OSBPL8: variants seen among roughly 807,000 people sequenced by gnomAD.
OSBPL8 encodes the protein oxysterol-binding protein-related protein 8.
A neutral mutation model predicts 125.5 loss-of-function variants in OSBPL8; 59 were observed. The ratio of observed to expected loss-of-function variants is 0.47; its 90% CI spans 0.38 to 0.58. OSBPL8 has a LOEUF of 0.58. Ranked by LOEUF, OSBPL8 falls within the 20% of genes least tolerant of loss-of-function variation. The probability of loss-of-function intolerance (pLI) is 0.00; values close to 1 mark genes in which losing one functional copy is unlikely to be tolerated. For synonymous variants in OSBPL8, 330 were observed against 338.9 expected (o/e 0.97, Z 0.29); for missense variants, 758 against 1,047.8 (o/e 0.72, Z 3.82).
At chr12:76,356,796 T>C (rs1019429846) in intron 22 of OSBPL8, 68 bp from the exon 23 acceptor site, 9 of 1,101,324 alleles carry the variant, frequency 8.2e-6, no homozygotes, top group South Asian at 4.4e-5. Flanking sequence ...ATGTGTCTCA[T>C]GTAATAAAAA....
intron 2 of OSBPL8, among the ~76,000 whole-genome samples, chr12:76,478,323 AG>A (rs1331234565): frequency 2.0e-5 from 3 of 152,098 alleles, no homozygotes; most frequent in Non-Finnish European, 4.4e-5. Flanking sequence ...AATAATATAA[AG>A]TACCATGGTA....
chr12:76,410,858 A>G (rs543602223), intron 4 of OSBPL8, among the ~76,000 whole-genome samples: 76 of 152,324 alleles, frequency 5.0e-4, no homozygotes, highest in Middle Eastern at 3.4e-3. Context: ...ATCGTGAAAT[A>G]TCTCTTCTTT....
intron 4 of OSBPL8, among the ~76,000 whole-genome samples, chr12:76,441,772 A>C (rs1265776040): frequency 6.6e-6 from 1 of 152,058 alleles, no homozygotes; most frequent in African/African-American, 2.4e-5. Context: ...AAGGATGGTT[A>C]CTGGAGGCTG....
chr12:76,538,248 A>G (rs1359209432), intron 1 of OSBPL8, among the ~76,000 whole-genome samples: 1 of 152,204 alleles, frequency 6.6e-6, no homozygotes, highest in Non-Finnish European at 1.5e-5. Context: ...GATGTGTTAT[A>G]TTGCTCAGAA....
At chr12:76,394,620 C>G in intron 9 of OSBPL8, 25 bp downstream of exon 9, 1 of 1,574,400 alleles carries the variant, frequency 6.4e-7, no homozygotes, top group Non-Finnish European at 8.7e-7. Flanking sequence ...AGACCAAAAT[C>G]CAATCCATCA....
Position 76,369,253 on chromosome 12 carries a change from A to G in OSBPL8, c.2289T>C (p.Asp763=), listed in dbSNP as rs1229528390. 1.9e-6 allele frequency: 3 copies of G among 1,612,546 alleles called. No homozygotes were observed. Among genetic ancestry groups the G allele is most frequent in the East Asian group, 2.2e-5 (1 of 44,772 alleles). Reference sequence around the variant, plus strand: ...GTTTCACTTTGGTCTGAATAACACCATCTTTTTCAAACTGTATCATATCAT... The same window carrying G: ...GTTTCACTTTGGTCTGAATAACACCGTCTTTTTCAAACTGTATCATATCAT... The part of the protein sequence containing the change: ...PLNDMIQFEK[D]GVIQTKVKHR... The change falls in exon 21 of 24, where the codon GAT becomes GAC. Residue 763 remains aspartate, a synonymous_variant. Coordinates refer to ENST00000261183, the MANE Select transcript of OSBPL8 (RefSeq NM_020841.5).
At chr12:76,518,653 C>T (rs1881784203) in intron 1 of OSBPL8, among the ~76,000 whole-genome samples, 1 of 152,234 alleles carries the variant, frequency 6.6e-6, no homozygotes, top group East Asian at 1.9e-4. Flanking sequence ...CATACATCCT[C>T]TAAAATCGAG....
rs150620408 is a variant in OSBPL8 at position 76,535,214 on chromosome 12, A to G, written c.-68+24183T>C. ...AACTGTTAGAAAATATGCACAACAC[A>G]TATATTAGACAAATGACTCAGATTC... On this transcript the variant is annotated intron_variant, in intron 1 of 23. Transcript: ENST00000261183. Among the ~76,000 whole-genome samples the G allele has an allele frequency of 5.9e-3, 897 of 152,238 alleles. 4 individuals carry two copies. The highest frequency in any genetic ancestry group is 0.019 in the African/African-American group (800 of 41,566).
chr12:76,505,770 C>T (rs961701983), intron 1 of OSBPL8, among the ~76,000 whole-genome samples: 3 of 151,998 alleles, frequency 2.0e-5, no homozygotes, highest in Admixed American at 2.0e-4. Flanking sequence ...AAAGAGACTA[C>T]TGTGGCAAGT....
At chr12:76,423,479 A>G (rs908431880) in intron 4 of OSBPL8, among the ~76,000 whole-genome samples, 2 of 152,182 alleles carry the variant, frequency 1.3e-5, no homozygotes, top group African/African-American at 4.8e-5. Flanking sequence ...GTTTCATTAC[A>G]TCTAAACTGT....
intron 1 of OSBPL8, among the ~76,000 whole-genome samples, chr12:76,530,507 C>A (rs1433697653): frequency 1.3e-5 from 2 of 152,164 alleles, no homozygotes; most frequent in Non-Finnish European, 2.9e-5. Context: ...AAAATAGCAA[C>A]TTGCCTCCTC....
intron 4 of OSBPL8, among the ~76,000 whole-genome samples, chr12:76,444,476 A>G (rs1220015563): frequency 1.3e-5 from 2 of 152,196 alleles, no homozygotes; most frequent in Non-Finnish European, 2.9e-5. Flanking sequence ...AAGCAAGTAG[A>G]AAGGAGAAGC....
chr12:76,536,886 A>T (rs983339050), intron 1 of OSBPL8: 4 of 152,014 alleles, frequency 2.6e-5, no homozygotes, highest in African/African-American at 9.7e-5. Flanking sequence ...TTACAGTAGG[A>T]CCCAGAAATG....
chr12:76,535,278 AAAC>A (rs1359663457), intron 1 of OSBPL8, among the ~76,000 whole-genome samples: 2 of 152,166 alleles, frequency 1.3e-5, no homozygotes, highest in African/African-American at 4.8e-5. Flanking sequence ...ATCAATAAGA[AAAC>A]AATTTTTTAA....
chr12:76,459,163 G>A (rs548919685), intron 3 of OSBPL8, among the ~76,000 whole-genome samples: 1 of 152,116 alleles, frequency 6.6e-6, no homozygotes, highest in Non-Finnish European at 1.5e-5. Context: ...TAAAATTAAT[G>A]CTTCATTAGA....
chr12:76,386,199 G>C lies in OSBPL8; in HGVS notation c.1502C>G (p.Thr501Arg), dbSNP rs896484755. Residue 501 changes from threonine (T) to arginine (R), a missense_variant, in exon 14 of 24, where the codon ACA (threonine) becomes AGA (arginine). Thr to Arg is a moderately conservative substitution (Grantham distance 71). This residue lies in a region of OSBPL8 where 572 missense variants were observed against 762.0 expected (regional missense o/e 0.75). Transcript: ENST00000261183. ...AGCAATATAAAAAGTTTTGCTGTTT[G>C]TTCTGGGATGAATCCATAAACAACG... Reference protein sequence around the residue: ...TFRCLWIHPRTNSKTFYIAEQ... With the variant: ...TFRCLWIHPRRNSKTFYIAEQ... 1 of 1,609,232 alleles carries C rather than the reference G, an allele frequency of 6.2e-7. No individual in the cohort carries two copies. Among genetic ancestry groups the C allele is most frequent in the Admixed American group, 1.7e-5 (1 of 59,514 alleles).
At chr12:76,451,209 T>A (rs965240086) in intron 3 of OSBPL8, among the ~76,000 whole-genome samples, 4 of 152,160 alleles carry the variant, frequency 2.6e-5, no homozygotes, top group African/African-American at 9.7e-5. Context: ...AATATACAAA[T>A]TATAGACATT....
intron 1 of OSBPL8, among the ~76,000 whole-genome samples, chr12:76,553,787 C>T (rs954816237): frequency 1.2e-4 from 18 of 151,690 alleles, no homozygotes; most frequent in Non-Finnish European, 2.5e-4. Context: ...AACAGCCTGG[C>T]CAATATGGTG....
chr12:76,355,957 G>C lies in OSBPL8; in HGVS notation c.2602C>G (p.Gln868Glu). 1 of 1,613,106 alleles carries C rather than the reference G, an allele frequency of 6.2e-7. No individual in the cohort carries two copies. Among genetic ancestry groups the C allele is most frequent in the Non-Finnish European group, 8.5e-7 (1 of 1,179,306 alleles). Residue 868 changes from glutamine (Q) to glutamate (E), a missense_variant, in exon 24 of 24, where the codon CAA becomes GAA. Physicochemically the swap from Gln to Glu is conservative, Grantham distance 29. Around this residue, in one of 3 missense-constraint regions of OSBPL8, gnomAD observed 572 missense variants for 762.0 expected, o/e 0.75. Transcript: ENST00000261183. ...AGGAAAATGATGAAGTAGTCTTTTTGTTGCAGAAAATAATCCGTGGCCGGT... is the reference window on the plus strand; with the variant it reads ...AGGAAAATGATGAAGTAGTCTTTTTCTTGCAGAAAATAATCCGTGGCCGGT... ...STPATDYFLQ[Q>E]KDYFIIFLLI...
Sources: gnomAD v4.1 joint callset for allele counts (sites outside exome capture counted in the v4.1 genomes callset) on GRCh38, gnomAD v4.1.1 for gene constraint, gnomAD v4.1.1 regional missense constraint, MANE v1.5 for transcripts, NCBI Gene and HGNC (gene_info 2026-07-23, HGNC 2026-07-21) for gene names.